The following CYP39A1 variants were observed in gnomAD, a reference collection of about 807,000 sequenced individuals.
CYP39A1 encodes the protein 24-hydroxycholesterol 7-alpha-hydroxylase.
CYP39A1 carries 49 observed loss-of-function variants against 58.1 expected under a neutral mutation model. That is an observed-to-expected ratio of 0.84 (90% confidence interval 0.67 to 1.07). The LOEUF (loss-of-function observed/expected upper bound fraction) is 1.07. Among genes scored for constraint, CYP39A1 ranks in the 50% least tolerant of loss-of-function variants. The pLI is 0.00. For missense variants in CYP39A1, 531 were observed against 539.4 expected, an observed-to-expected ratio of 0.98 and a Z score of 0.16; for synonymous variants, 209 against 187.6, an observed-to-expected ratio of 1.11 and a Z score of -0.93.
chr6:46,552,744 C>T (rs1770469822), intron 11 of CYP39A1, among the ~76,000 whole-genome samples: 1 of 152,096 alleles, frequency 6.6e-6, no homozygotes, highest in Non-Finnish European at 1.5e-5. Context: ...AAGTGTGGCA[C>T]CCAGACAAGC....
At chr6:46,634,217 G>A (rs928277663) in intron 5 of CYP39A1, among the ~76,000 whole-genome samples, 1 of 152,088 alleles carries the variant, frequency 6.6e-6, no homozygotes, top group Non-Finnish European at 1.5e-5. Context: ...GTTTTACAAA[G>A]GGAAGTTTCC....
At chr6:46,554,393 C>T (rs1770564184) in intron 10 of CYP39A1, among the ~76,000 whole-genome samples, 1 of 152,138 alleles carries the variant, frequency 6.6e-6, no homozygotes, top group African/African-American at 2.4e-5. Context: ...GAAATTACTG[C>T]CTGAATGTTC....
intron 5 of CYP39A1, among the ~76,000 whole-genome samples, chr6:46,634,031 A>T (rs1437581231): frequency 6.6e-6 from 1 of 152,228 alleles, no homozygotes; most frequent in African/African-American, 2.4e-5. Flanking sequence ...GCTTCAGCAG[A>T]ATTCAAACTT....
At position 46,587,124 on chromosome 6, in the gene CYP39A1, C is replaced by T; in HGVS notation, c.1203G>A (p.Leu401=). 1 of 1,612,054 alleles carries T rather than the reference C, an allele frequency of 6.2e-7. No individual in the cohort carries two copies. Among genetic ancestry groups the T allele is most frequent in the East Asian group, 2.2e-5 (1 of 44,820 alleles). Residue 401 remains leucine, a synonymous_variant, in exon 10 of 12, where the codon TTG becomes TTA. Transcript: ENST00000275016. The part of the protein sequence containing the change: ...KKANLEKHSF[L]DCFMAFGSGK... ...CGCTTCCAAATGCCATGAAGCAGTC[C>T]AAGAAAGAGTGCTTCTCTAAATTTG...
At position 46,623,983 on chromosome 6, in the gene CYP39A1, C is replaced by T. The variant is rs1017941206; in HGVS notation, c.931+1435G>A. ...GCAGTGGTAGTACTATTCGAAGGAG[C>T]ATTTTTTGTGTCAGAAGAGAACAAT... On this transcript the variant is annotated intron_variant, in intron 7 of 11. Transcript: ENST00000275016. 6.0e-5 allele frequency among the ~76,000 whole-genome samples: 9 copies of T among 148,956 alleles called. 1 individual carries two copies. In the East Asian group the frequency reaches 7.9e-4, roughly 13 times the overall value.
intron 1 of CYP39A1, among the ~76,000 whole-genome samples, chr6:46,643,330 C>T (rs1776463411): frequency 1.3e-5 from 2 of 152,198 alleles, no homozygotes; most frequent in South Asian, 4.1e-4. Flanking sequence ...ATGCTCATCA[C>T]TACTTCAGTA....
intron 1 of CYP39A1, among the ~76,000 whole-genome samples, chr6:46,650,715 T>C (rs1762632743): frequency 6.6e-6 from 1 of 151,796 alleles, no homozygotes; most frequent in Non-Finnish European, 1.5e-5. Context: ...GAGGTCTTGC[T>C]ATATCTCCCG....
intron 6 of CYP39A1, among the ~76,000 whole-genome samples, chr6:46,627,715 A>C (rs1263491925): frequency 6.6e-6 from 1 of 151,806 alleles, no homozygotes; most frequent in Non-Finnish European, 1.5e-5. Flanking sequence ...ACTTTTTTTT[A>C]ATGTCTCCTT....
intron 10 of CYP39A1, chr6:46,583,174 C>T: frequency 1.0e-6 from 1 of 985,362 alleles, no homozygotes; most frequent in Non-Finnish European, 1.2e-6. Flanking sequence ...TTGCAGCCTT[C>T]CTCTTATTAC....
intron 6 of CYP39A1, among the ~76,000 whole-genome samples, chr6:46,627,620 G>A (rs1582433341): frequency 1.3e-5 from 2 of 151,824 alleles, no homozygotes; most frequent in African/African-American, 2.4e-5. Flanking sequence ...GGGTTTCACC[G>A]TGTTAGCTAG....
intron 8 of CYP39A1, among the ~76,000 whole-genome samples, chr6:46,590,432 T>A (rs1182022548): frequency 2.6e-5 from 4 of 152,060 alleles, no homozygotes; most frequent in Non-Finnish European, 5.9e-5. Context: ...GAATACATAA[T>A]CTTAAAGAGA....
chr6:46,650,375 C>T (rs35944323), intron 1 of CYP39A1, among the ~76,000 whole-genome samples: 8,282 of 75,816 alleles, frequency 0.11, 279 homozygotes, highest in South Asian at 0.24. Flanking sequence ...AAGGTGGGAG[C>T]ACTCTGGCTT....
chr6:46,584,124 G>C lies in CYP39A1; in HGVS notation c.1250+2953C>G, dbSNP rs113175408. Among the ~76,000 whole-genome samples the C allele has an allele frequency of 9.9e-3, 1,501 of 152,178 alleles. 29 individuals are homozygous for C. The highest frequency in any genetic ancestry group is 0.034 in the African/African-American group (1,413 of 41,528). On this transcript the variant is annotated intron_variant, in intron 10 of 11. Transcript: ENST00000275016. ...AGTCATTTGCTTTCCTGAACAATTT[G>C]CTATTTTATTTCTCTTTAGAAACAA... is the stretch of plus-strand genomic sequence containing the variant.
At chr6:46,612,607 A>T (rs1774281808) in intron 7 of CYP39A1, among the ~76,000 whole-genome samples, 1 of 152,200 alleles carries the variant, frequency 6.6e-6, no homozygotes, top group Non-Finnish European at 1.5e-5. Context: ...AAATGAGGCT[A>T]TGTGAGAAAT....
intron 7 of CYP39A1, among the ~76,000 whole-genome samples, chr6:46,617,409 A>G (rs542030379): frequency 6.6e-6 from 1 of 152,182 alleles, no homozygotes; most frequent in Admixed American, 6.5e-5. Context: ...TGCATGCAAA[A>G]GTGGGTCAAA....
chr6:46,629,769 T>C (rs1440086784), intron 6 of CYP39A1, among the ~76,000 whole-genome samples: 1 of 152,134 alleles, frequency 6.6e-6, no homozygotes, highest in Admixed American at 6.5e-5. Context: ...AATCCTCCTG[T>C]TTAGTAGAAA....
Position 46,588,095 on chromosome 6 carries a change from A to C in CYP39A1, c.1100T>G (p.Leu367Trp), listed in dbSNP as rs1275454502. Residue 367 changes from leucine to tryptophan, a missense_variant, in exon 9 of 12, where the codon TTG (leucine) becomes TGG (tryptophan). Coordinates refer to ENST00000275016, the MANE Select transcript of CYP39A1 (RefSeq NM_016593.5). ...YIIPSGDLLM[L>W]SPFWLHRNPK... ...ATTTCTATGCAGCCAAAATGGAGACAACATCAACAAGTCACCAGAAGGAAT... is the reference window on the plus strand; with the variant it reads ...ATTTCTATGCAGCCAAAATGGAGACCACATCAACAAGTCACCAGAAGGAAT... 6.2e-7 allele frequency: 1 copy of C among 1,600,830 alleles called. No individual in the cohort carries two copies. Among genetic ancestry groups the C allele is most frequent in the African/African-American group, 1.3e-5 (1 of 74,448 alleles).
intron 2 of CYP39A1, among the ~76,000 whole-genome samples, chr6:46,639,977 T>G: frequency 6.6e-6 from 1 of 152,124 alleles, no homozygotes; most frequent in East Asian, 1.9e-4. Context: ...TAGCCGGCTG[T>G]GGCGGGCACC....
intron 7 of CYP39A1, among the ~76,000 whole-genome samples, chr6:46,607,807 A>G (rs996917389): frequency 6.6e-6 from 1 of 152,232 alleles, no homozygotes; most frequent in Non-Finnish European, 1.5e-5. Context: ...CAAGATTTAA[A>G]GAGTGCAACC....
Sources: gnomAD v4.1 joint callset for allele counts (sites outside exome capture counted in the v4.1 genomes callset) on GRCh38, gnomAD v4.1.1 for gene constraint, MANE v1.5 for transcripts, NCBI Gene and HGNC (gene_info 2026-07-23, HGNC 2026-07-21) for gene names.